PLCH1: variants seen among roughly 807,000 people sequenced by gnomAD.
The protein encoded by PLCH1 is 1-phosphatidylinositol 4,5-bisphosphate phosphodiesterase eta-1.
A neutral mutation model predicts 126.7 loss-of-function variants in PLCH1; 60 were observed. That is an observed-to-expected ratio of 0.47 (90% CI 0.38 to 0.59). The LOEUF is 0.59. Among genes scored for constraint, PLCH1 ranks in the 20% least tolerant of loss-of-function variants. The probability of loss-of-function intolerance (pLI) is 0.00; values close to 1 mark genes in which losing one functional copy is unlikely to be tolerated. For missense variants in PLCH1, 1,723 were observed against 2,040.0 expected, an observed-to-expected ratio of 0.84 and a Z score of 2.99; for synonymous variants, 719 against 734.9, an observed-to-expected ratio of 0.98 and a Z score of 0.35.
chr3:155,702,033 G>C (rs1347932731), intron 2 of PLCH1, among the ~76,000 whole-genome samples: 3 of 152,164 alleles, frequency 2.0e-5, no homozygotes, highest in Non-Finnish European at 2.9e-5. Flanking sequence ...CCTTTCGAAA[G>C]AGTAATTCTT....
At chr3:155,741,828 C>A (rs78386968) in intron 1 of PLCH1, among the ~76,000 whole-genome samples, 2,442 of 151,966 alleles carry the variant, frequency 0.016, 28 homozygotes, top group South Asian at 0.039. Flanking sequence ...AATCACTCAC[C>A]TTATCTTCAT....
rs1576940385 is a variant in PLCH1, at chr3:155,536,424, G to T, written c.1363-12420C>A. Among the ~76,000 whole-genome samples, 8 of 152,210 alleles carry T rather than the reference G, an allele frequency of 5.3e-5. 1 individual carries two copies. The South Asian group carries it at 1.7e-3, about 32-fold the overall frequency. On this transcript the variant is annotated intron_variant, in intron 10 of 22. Transcript: ENST00000460012. ...GAAAACAATTTAAAGAAATTCAAAA[G>T]TAATGCAGACTATGGATGAAAAAAT...
chr3:155,536,640 A>T (rs13097769), intron 10 of PLCH1, among the ~76,000 whole-genome samples: 2,211 of 152,222 alleles, frequency 0.015, 21 homozygotes, highest in Non-Finnish European at 0.025. Flanking sequence ...AAAAAGAATT[A>T]AAAAAAGAAC....
intron 2 of PLCH1, among the ~76,000 whole-genome samples, chr3:155,667,928 T>C (rs1249584938): frequency 3.4e-5 from 2 of 58,354 alleles, no homozygotes; most frequent in African/African-American, 1.6e-4. Flanking sequence ...AAAAAAAAAA[T>C]ACAAAAATTA....
chr3:155,639,229 C>T (rs1294345181), intron 2 of PLCH1, among the ~76,000 whole-genome samples: 2 of 152,002 alleles, frequency 1.3e-5, no homozygotes, highest in African/African-American at 4.8e-5. Context: ...GAGGCCAACG[C>T]GGGAAGATCA....
intron 2 of PLCH1, among the ~76,000 whole-genome samples, chr3:155,648,513 G>A (rs1186974070): frequency 6.6e-6 from 1 of 152,148 alleles, no homozygotes; most frequent in Non-Finnish European, 1.5e-5. Flanking sequence ...AGAAAGGCCG[G>A]GTCACATTTA....
intron 10 of PLCH1, among the ~76,000 whole-genome samples, chr3:155,540,833 G>C (rs1724134160): frequency 6.6e-6 from 1 of 152,276 alleles, no homozygotes; most frequent in East Asian, 1.9e-4. Context: ...AAACAGTGGA[G>C]ATTCCTTAAA....
At chr3:155,688,513 C>T (rs867999773) in intron 2 of PLCH1, among the ~76,000 whole-genome samples, 9 of 152,208 alleles carry the variant, frequency 5.9e-5, no homozygotes, top group South Asian at 2.1e-4. Flanking sequence ...GCTATCTGCA[C>T]ACAGAAAAGC....
intron 2 of PLCH1, among the ~76,000 whole-genome samples, chr3:155,638,275 T>C (rs956757368): frequency 3.3e-5 from 5 of 152,188 alleles, no homozygotes; most frequent in Non-Finnish European, 7.3e-5. Context: ...ACTATTCTAC[T>C]ACCCACTATC....
intron 21 of PLCH1, among the ~76,000 whole-genome samples, chr3:155,451,875 G>C (rs1712315853): frequency 6.6e-6 from 1 of 152,076 alleles, no homozygotes; most frequent in South Asian, 2.1e-4. Flanking sequence ...AACACTATCA[G>C]CTCACTTGCT....
intron 2 of PLCH1, among the ~76,000 whole-genome samples, chr3:155,642,565 T>C (rs1201082286): frequency 6.6e-6 from 1 of 152,216 alleles, no homozygotes; most frequent in Non-Finnish European, 1.5e-5. Context: ...CTCTCCAATG[T>C]GTATGGGCAT....
At chr3:155,728,488 G>A (rs569311862) in intron 1 of PLCH1, among the ~76,000 whole-genome samples, 106 of 152,226 alleles carry the variant, frequency 7.0e-4, no homozygotes, top group African/African-American at 2.4e-3. Flanking sequence ...AGCACAGTAA[G>A]GTTAAGTAAT....
chr3:155,517,028 C>T (rs957486812), intron 11 of PLCH1, among the ~76,000 whole-genome samples: 1 of 152,108 alleles, frequency 6.6e-6, no homozygotes, highest in African/African-American at 2.4e-5. Flanking sequence ...GTGACTTGGC[C>T]AGGTGCCATG....
At chr3:155,469,601 G>C (rs1215527651) in intron 21 of PLCH1, among the ~76,000 whole-genome samples, 1 of 152,354 alleles carries the variant, frequency 6.6e-6, no homozygotes, top group South Asian at 2.1e-4. Flanking sequence ...GCCTGCATCT[G>C]TAGGCTCCAC....
intron 1 of PLCH1, among the ~76,000 whole-genome samples, chr3:155,718,554 G>A (rs750739755): frequency 5.3e-5 from 8 of 152,160 alleles, no homozygotes; most frequent in Non-Finnish European, 8.8e-5. Context: ...ACCAGCATCC[G>A]CATCTAGGGA....
At chr3:155,615,186 C>A (rs933103319) in intron 2 of PLCH1, among the ~76,000 whole-genome samples, 1 of 152,080 alleles carries the variant, frequency 6.6e-6, no homozygotes, top group African/African-American at 2.4e-5. Flanking sequence ...TGAAAAAGTG[C>A]TCAACATGAC....
rs149052198 is a variant in PLCH1 at position 155,594,036 on chromosome 3, G to C, written c.375C>G (p.Pro125=). Residue 125 remains proline, a synonymous_variant, in exon 4 of 23, where the codon CCC becomes CCG. Coordinates refer to ENST00000460012, the MANE Select transcript of PLCH1 (RefSeq NM_014996.4). ...CTGTGATCCAGGTGCGGGCCTCCTC[G>C]GGGTTGGAGGTGATGAGGTCCAGGG... The part of the protein sequence containing the change: ...MESLDLITSN[P]EEARTWITGL... 3 of 1,613,826 alleles carry C rather than the reference G, an allele frequency of 1.9e-6. No homozygotes were observed. Among genetic ancestry groups the C allele is most frequent in the South Asian group, 1.1e-5 (1 of 91,068 alleles).
chr3:155,726,285 G>A (rs1748312443), intron 1 of PLCH1, among the ~76,000 whole-genome samples: 2 of 151,976 alleles, frequency 1.3e-5, no homozygotes, highest in African/African-American at 4.8e-5. Flanking sequence ...AAATTCTTTA[G>A]GTTTTTGTGC....
At chr3:155,639,638 C>T (rs569379597) in intron 2 of PLCH1, among the ~76,000 whole-genome samples, 1 of 152,314 alleles carries the variant, frequency 6.6e-6, no homozygotes, top group Admixed American at 6.5e-5. Context: ...TCTGCTTTCA[C>T]AGCCAGTACT....
Sources: gnomAD v4.1 joint callset for allele counts (sites outside exome capture counted in the v4.1 genomes callset) on GRCh38, gnomAD v4.1.1 for gene constraint, MANE v1.5 for transcripts, NCBI Gene and HGNC (gene_info 2026-07-23, HGNC 2026-07-21) for gene names.